Variants in NPAS3 observed in about 807,000 individuals in gnomAD.
The protein encoded by NPAS3 is neuronal PAS domain protein 3.
In NPAS3, 14 loss-of-function variants were observed where a neutral mutation model predicts 73.1. The observed-to-expected ratio is 0.19, with a 90% CI of 0.13 to 0.30. NPAS3 has a LOEUF of 0.30. NPAS3 is among the 10% of genes least tolerant of loss of function. NPAS3 has a pLI of 1.00. For synonymous variants in NPAS3, 620 were observed against 541.5 expected (o/e 1.14, Z -2.01); for missense variants, 1,096 against 1,250.0 (o/e 0.88, Z 1.86).
At chr14:33,163,494 T>C (rs1474473288) in intron 2 of NPAS3, among the ~76,000 whole-genome samples, 1 of 152,244 alleles carries the variant, frequency 6.6e-6, no homozygotes, top group Non-Finnish European at 1.5e-5. Flanking sequence ...ACAAAATACT[T>C]GCTGGACAAG....
chr14:33,285,969 C>G (rs548765418), intron 3 of NPAS3, among the ~76,000 whole-genome samples: 5 of 152,198 alleles, frequency 3.3e-5, no homozygotes, highest in Non-Finnish European at 7.3e-5. Flanking sequence ...CTATCCTACC[C>G]TTAACCTTGT....
intron 3 of NPAS3, among the ~76,000 whole-genome samples, chr14:33,286,484 C>T (rs1223217197): frequency 2.0e-5 from 3 of 152,100 alleles, no homozygotes; most frequent in African/African-American, 7.2e-5. Context: ...TTCATGCCCC[C>T]AAATGCTTTC....
intron 5 of NPAS3, among the ~76,000 whole-genome samples, chr14:33,668,886 A>G (rs1428629734): frequency 6.6e-6 from 1 of 152,188 alleles, no homozygotes; most frequent in African/African-American, 2.4e-5. Flanking sequence ...AGCATTTTCC[A>G]CTCTTTCTTA....
intron 4 of NPAS3, among the ~76,000 whole-genome samples, chr14:33,404,859 C>A (rs879773077): frequency 6.6e-6 from 1 of 152,080 alleles, no homozygotes; most frequent in Non-Finnish European, 1.5e-5. Flanking sequence ...AGTTCTAACG[C>A]CCAGATCTTC....
chr14:33,212,028 T>A (rs1339836622), intron 2 of NPAS3, among the ~76,000 whole-genome samples: 7 of 152,226 alleles, frequency 4.6e-5, no homozygotes. Flanking sequence ...CCACAATACT[T>A]TCGTTTAGAA....
intron 3 of NPAS3, among the ~76,000 whole-genome samples, chr14:33,227,956 C>T (rs573155987): frequency 6.6e-6 from 1 of 152,206 alleles, no homozygotes; most frequent in South Asian, 2.1e-4. Flanking sequence ...ATCTTTGGGA[C>T]TGTGAACACA....
chr14:33,330,136 G>A (rs1229827520), intron 3 of NPAS3, among the ~76,000 whole-genome samples: 1 of 151,902 alleles, frequency 6.6e-6, no homozygotes, highest in Non-Finnish European at 1.5e-5. Flanking sequence ...CCAGCTATTC[G>A]AGAGGCCAAG....
rs138883144 is a variant in NPAS3, at chr14:33,322,950, A to G, written c.386-44236A>G. Among the ~76,000 whole-genome samples, 11 of 152,302 alleles carry G rather than the reference A, an allele frequency of 7.2e-5. No homozygotes were observed. The East Asian group carries it at 1.9e-3, about 27-fold the overall frequency. ...CTGACTTACCTAATCAGAAAATGCT[A>G]CTACCTAGTACTAGAAGTTCTGCCT... On this transcript the variant is annotated intron_variant, in intron 3 of 11. Transcript: ENST00000356141.
In NPAS3 at chr14:33,471,037, C is replaced by T. The variant is rs79313413; in HGVS notation, c.469-89084C>T. Among the ~76,000 whole-genome samples, 264 of 152,186 alleles carry T rather than the reference C, an allele frequency of 1.7e-3. 6 individuals are homozygous for T. The East Asian group carries it at 0.034, about 19-fold the overall frequency. Reference sequence around the variant, plus strand: ...TCTCCCTTTGTGTGATAGAATTGCACGTAGCCAGTTATACGCTGTCCTCCA... The same window carrying T: ...TCTCCCTTTGTGTGATAGAATTGCATGTAGCCAGTTATACGCTGTCCTCCA... On this transcript the variant is annotated intron_variant, in intron 4 of 11. Coordinates refer to ENST00000356141, the Ensembl canonical transcript of NPAS3.
chr14:33,193,434 C>A (rs753962603), intron 2 of NPAS3, among the ~76,000 whole-genome samples: 10 of 151,832 alleles, frequency 6.6e-5, no homozygotes, highest in Non-Finnish European at 1.2e-4. Flanking sequence ...GGGGCAGCAA[C>A]AAAACAAGTA....
chr14:33,507,711 C>A (rs8022191), intron 4 of NPAS3, among the ~76,000 whole-genome samples: 2 of 151,950 alleles, frequency 1.3e-5, no homozygotes, highest in Non-Finnish European at 2.9e-5. Flanking sequence ...TTATCGAGTT[C>A]TGTTTGCAAA....
intron 4 of NPAS3, among the ~76,000 whole-genome samples, chr14:33,441,660 T>C (rs903275164): frequency 3.3e-5 from 5 of 152,244 alleles, no homozygotes; most frequent in African/African-American, 1.2e-4. Context: ...AGTTCTTGTA[T>C]TAGTCTGTTC....
At chr14:33,498,811 G>A (rs1032739938) in intron 4 of NPAS3, among the ~76,000 whole-genome samples, 4 of 151,974 alleles carry the variant, frequency 2.6e-5, no homozygotes, top group Admixed American at 6.6e-5. Context: ...TTCCGCACAC[G>A]TATCCCAGAA....
At chr14:32,999,648 A>G (rs1017097545) in intron 1 of NPAS3, among the ~76,000 whole-genome samples, 4 of 152,186 alleles carry the variant, frequency 2.6e-5, no homozygotes, top group Middle Eastern at 3.4e-3. Context: ...TTCCTTTAAT[A>G]TTTTGGAGGA....
intron 1 of NPAS3, among the ~76,000 whole-genome samples, chr14:33,039,511 A>AGTGG (rs755188911): frequency 1.2e-4 from 19 of 152,176 alleles, no homozygotes; most frequent in Non-Finnish European, 2.6e-4. Flanking sequence ...ATGCAGCAAC[A>AGTGG]GTGGGCCCTC....
Position 33,056,685 on chromosome 14 carries a change from T to C in NPAS3, c.140+691T>C, listed in dbSNP as rs116620936. ...TTTTAATATATCATAGTTGGACTTG[T>C]ATTGCTTTTGCTGTGAAGAAAGTTT... is the stretch of plus-strand genomic sequence containing the variant. On this transcript the variant is annotated intron_variant, in intron 2 of 11. Coordinates refer to ENST00000356141, the Ensembl canonical transcript of NPAS3. Among the ~76,000 whole-genome samples, 1,447 of 152,320 alleles carry C rather than the reference T, an allele frequency of 9.5e-3. 31 individuals are homozygous for C. The highest frequency in any genetic ancestry group is 0.033 in the African/African-American group (1,370 of 41,568).
intron 3 of NPAS3, among the ~76,000 whole-genome samples, chr14:33,326,192 GA>G (rs1490711961): frequency 6.6e-6 from 1 of 152,148 alleles, no homozygotes; most frequent in Non-Finnish European, 1.5e-5. Context: ...GTGCAGGACA[GA>G]GACAGGGCTC....
chr14:33,189,228 G>T (rs576619459), intron 2 of NPAS3, among the ~76,000 whole-genome samples: 6 of 152,280 alleles, frequency 3.9e-5, no homozygotes, highest in African/African-American at 1.4e-4. Context: ...AAAGGATATT[G>T]TGTTCTGCCC....
At chr14:33,521,220 G>T (rs1376371164) in intron 4 of NPAS3, among the ~76,000 whole-genome samples, 5 of 152,122 alleles carry the variant, frequency 3.3e-5, no homozygotes, top group Admixed American at 2.0e-4. Context: ...AGGTCTGAGG[G>T]TTCTTCAGAA....
Sources: allele counts gnomAD v4.1 joint callset (sites outside exome capture counted in the v4.1 genomes callset), GRCh38; gene constraint gnomAD v4.1.1; transcripts MANE v1.5; gene names NCBI Gene and HGNC (gene_info 2026-07-23, HGNC 2026-07-21).